MTCL1: variants seen among roughly 807,000 people sequenced by gnomAD.
The protein encoded by MTCL1 is microtubule cross-linking factor 1.
MTCL1 carries 79 observed loss-of-function variants against 141.4 expected under a neutral mutation model. The ratio of observed to expected loss-of-function variants is 0.56; its 90% CI spans 0.47 to 0.67. The LOEUF is 0.67. MTCL1 is among the 30% of genes least tolerant of loss of function. The pLI is 0.00. For missense variants in MTCL1, 2,177 were observed against 2,113.9 expected (o/e 1.03, Z -0.59); for synonymous variants, 914 against 875.8 (o/e 1.04, Z -0.77).
chr18:8,820,265 C>T (rs1343431833), intron 13 of MTCL1, among the ~76,000 whole-genome samples: 1 of 151,998 alleles, frequency 6.6e-6, no homozygotes, highest in Non-Finnish European at 1.5e-5. Context: ...AAAAAATTAG[C>T]CAGGCGTGGT....
chr18:8,796,096 TC>T, intron 8 of MTCL1, 135 bp from the exon 8 acceptor site: 1 of 786,662 alleles, frequency 1.3e-6, no homozygotes, highest in Non-Finnish European at 2.1e-6. Context: ...AAACTGAACT[TC>T]TGGGGACTCC....
intron 7 of MTCL1, among the ~76,000 whole-genome samples, chr18:8,791,350 A>G (rs867150971): frequency 6.6e-6 from 1 of 151,860 alleles, no homozygotes; most frequent in Middle Eastern, 3.4e-3. Flanking sequence ...TGGTCCGGGA[A>G]TCCCCAAAGA....
intron 13 of MTCL1, 32 bp downstream of exon 12, chr18:8,819,291 A>C: frequency 6.2e-7 from 1 of 1,604,442 alleles, no homozygotes; most frequent in Non-Finnish European, 8.5e-7. Flanking sequence ...CTAGTTAACC[A>C]CTGTGGAATG....
intron 3 of MTCL1, among the ~76,000 whole-genome samples, chr18:8,719,434 C>G (rs1449480775): frequency 6.6e-6 from 1 of 152,194 alleles, no homozygotes; most frequent in Non-Finnish European, 1.5e-5. Flanking sequence ...TACAAGGCCT[C>G]TTGCCTCATT....
chr18:8,824,907 G>A (rs1381511328), exon 15 of MTCL1: 4 of 1,613,852 alleles, frequency 2.5e-6, no homozygotes, highest in Middle Eastern at 1.6e-4. Flanking sequence ...GGACCTTTGG[G>A]CCGACAGGAC....
intron 4 of MTCL1, among the ~76,000 whole-genome samples, chr18:8,744,200 CCCTTTCCGCCG>C: frequency 6.6e-6 from 1 of 152,252 alleles, no homozygotes; most frequent in Non-Finnish European, 1.5e-5. Context: ...CCCACTGGCA[CCCTTTCCGCCG>C]CTAGCTAGGT....
At chr18:8,782,130 T>C (rs2096534633) in intron 5 of MTCL1, 1 of 152,226 alleles carries the variant, frequency 6.6e-6, no homozygotes, top group African/African-American at 2.4e-5. Flanking sequence ...GAACGAGCCA[T>C]GCTCTCTGAG....
chr18:8,720,845 A>G (rs1356899686), intron 4 of MTCL1, among the ~76,000 whole-genome samples: 2 of 150,800 alleles, frequency 1.3e-5, no homozygotes, highest in African/African-American at 2.4e-5. Context: ...AGATGAGCTG[A>G]CCATTAATTC....
chr18:8,741,374 T>C (rs1407680267), intron 4 of MTCL1, among the ~76,000 whole-genome samples: 1 of 152,242 alleles, frequency 6.6e-6, no homozygotes, highest in Non-Finnish European at 1.5e-5. Flanking sequence ...CTTTCCTAAC[T>C]GCAAATAAAT....
At chr18:8,760,904 T>A (rs2096428935) in intron 4 of MTCL1, among the ~76,000 whole-genome samples, 1 of 152,230 alleles carries the variant, frequency 6.6e-6, no homozygotes, top group South Asian at 2.1e-4. Flanking sequence ...TGACTTCTTA[T>A]GAAGAAACCA....
At chr18:8,824,435 G>T (rs2076946709) in intron 14 of MTCL1, among the ~76,000 whole-genome samples, 1 of 152,222 alleles carries the variant, frequency 6.6e-6, no homozygotes, top group Admixed American at 6.5e-5. Flanking sequence ...AAAGTGTTGG[G>T]ATTACGGGTG....
chr18:8,788,878 T>C (rs2075618001), intron 7 of MTCL1, among the ~76,000 whole-genome samples: 1 of 152,242 alleles, frequency 6.6e-6, no homozygotes, highest in African/African-American at 2.4e-5. Flanking sequence ...CTGCCTGCTC[T>C]TCTCAGGAGA....
rs1205211911 is a variant in MTCL1, at chr18:8,810,611, G to C, written c.2605-2368G>C. Among the ~76,000 whole-genome samples, 2 of 152,148 alleles carry C rather than the reference G, an allele frequency of 1.3e-5. No homozygotes were observed. Among genetic ancestry groups the C allele is most frequent in the African/African-American group, 4.8e-5 (2 of 41,426 alleles). Reference sequence around the variant, plus strand: ...AGGTGAACAGACGTACGTGCGAGGGGCTCAGCAGCCTGTCTTTCATTCTGG... The same window carrying C: ...AGGTGAACAGACGTACGTGCGAGGGCCTCAGCAGCCTGTCTTTCATTCTGG... On this transcript the variant is annotated intron_variant, in intron 11 of 16. Coordinates refer to ENST00000359865, the Ensembl canonical transcript of MTCL1. The surrounding 1 kb of genome is among the most constrained non-coding windows in gnomAD (Gnocchi z 5.0).
At chr18:8,788,130 C>G (rs1374819400) in intron 7 of MTCL1, among the ~76,000 whole-genome samples, 1 of 152,192 alleles carries the variant, frequency 6.6e-6, no homozygotes, top group African/African-American at 2.4e-5. Context: ...GTCAGCCCAG[C>G]AGCCCGGCCA....
Position 8,830,014 on chromosome 18 carries a change from T to A in MTCL1, c.*18+1050T>A. The A allele has an allele frequency of 1.0e-6, 1 of 985,428 alleles. No homozygotes were observed. Among genetic ancestry groups the A allele is most frequent in the Non-Finnish European group, 1.2e-6 (1 of 830,018 alleles). The allele number at this position is 985,428 out of a possible 1,614,324, so 61.0% of individuals were successfully genotyped here. ...GATACGGTGGTGTCAGATAAACCTA[T>A]GACAGCAGCTTCACCAACACACAAC... On this transcript the variant is annotated intron_variant, in intron 16 of 16. Coordinates refer to ENST00000359865, the Ensembl canonical transcript of MTCL1. This position sits in a 1 kb window ranked among gnomAD's most constrained non-coding sequence, Gnocchi z 6.4.
chr18:8,740,036 G>T (rs769983162), intron 4 of MTCL1, among the ~76,000 whole-genome samples: 6 of 152,192 alleles, frequency 3.9e-5, no homozygotes, highest in Non-Finnish European at 8.8e-5. Flanking sequence ...CAGCCAAGGA[G>T]ATTGTAAAGA....
At chr18:8,718,342 T>C in intron 2 of MTCL1, 82 bp from the exon 2 acceptor site, 2 of 1,337,948 alleles carry the variant, frequency 1.5e-6, no homozygotes, top group East Asian at 2.3e-5. Flanking sequence ...TATTTAGTAT[T>C]GAGGAGCGGG....
At chr18:8,768,399 G>C (rs1211932408) in intron 4 of MTCL1, among the ~76,000 whole-genome samples, 3 of 152,140 alleles carry the variant, frequency 2.0e-5, no homozygotes, top group Non-Finnish European at 4.4e-5. Flanking sequence ...TTTGACAACT[G>C]TATATACAAA....
chr18:8,711,928 C>T (rs934916241), intron 1 of MTCL1, among the ~76,000 whole-genome samples: 9 of 152,128 alleles, frequency 5.9e-5, no homozygotes, highest in South Asian at 2.1e-4. Context: ...GTGTTTTGCT[C>T]GAGTGCTCGG....
Sources: allele counts gnomAD v4.1 joint callset (sites outside exome capture counted in the v4.1 genomes callset), GRCh38; gene constraint gnomAD v4.1.1; non-coding constraint Gnocchi (gnomAD v3.1); transcripts MANE v1.5; gene names NCBI Gene and HGNC (gene_info 2026-07-23, HGNC 2026-07-21).